PCGF3: variants seen among roughly 807,000 people sequenced by gnomAD.
PCGF3 encodes the protein polycomb group ring finger 3.
A neutral mutation model predicts 33.1 loss-of-function variants in PCGF3; 7 were observed. The ratio of observed to expected loss-of-function variants is 0.21; its 90% CI spans 0.12 to 0.40. PCGF3 has a LOEUF of 0.40. Ranked by LOEUF, PCGF3 falls within the 10% of genes least tolerant of loss-of-function variation. The pLI, the probability that PCGF3 is intolerant of heterozygous loss-of-function variation, is 1.00. For missense variants in PCGF3, 211 were observed against 313.3 expected, an observed-to-expected ratio of 0.67 and a Z score of 2.46; for synonymous variants, 153 against 121.3, an observed-to-expected ratio of 1.26 and a Z score of -1.72.
At chr4:752,862 A>G (rs1216466623) in intron 8 of PCGF3, among the ~76,000 whole-genome samples, 1 of 152,212 alleles carries the variant, frequency 6.6e-6, no homozygotes, top group East Asian at 1.9e-4. Context: ...GCCTCCGCCC[A>G]TCTTCGTTTT....
At chr4:740,314 T>C (rs561627233) in intron 6 of PCGF3, among the ~76,000 whole-genome samples, 2 of 152,394 alleles carry the variant, frequency 1.3e-5, no homozygotes, top group East Asian at 3.9e-4. Flanking sequence ...GGAAGAGAGT[T>C]CCCTGCTAGA....
rs71640348 is a variant in PCGF3, at chr4:749,476, CTT to C, written c.462+4811_462+4812del. Among the ~76,000 whole-genome samples, 600 of 75,408 alleles carry C rather than the reference CTT, an allele frequency of 8.0e-3. 2 individuals are homozygous for C. Among genetic ancestry groups the C allele is most frequent in the South Asian group, 0.022 (42 of 1,912 alleles). The allele number at this position is 75,408 out of a possible 152,430, so 49.5% of individuals were successfully genotyped here. A position where few individuals can be genotyped will look rare whatever the true frequency, so the allele number is the denominator to read the frequency against. ...ACCATGCCCTGCTGAATTTTCTTTC[CTT>C]TTTTTTTTTTTTTTTTTTTTTTGAG... On this transcript the variant is annotated intron_variant, in intron 8 of 10. Transcript: ENST00000362003.
At chr4:762,621 G>C (rs1329791814) in intron 9 of PCGF3, 2 of 152,286 alleles carry the variant, frequency 1.3e-5, no homozygotes, top group Admixed American at 1.3e-4. Context: ...TGGCAACGTG[G>C]TGACCTTGAA....
intron 8 of PCGF3, among the ~76,000 whole-genome samples, chr4:756,857 T>A (rs529093599): frequency 4.6e-5 from 7 of 152,314 alleles, no homozygotes; most frequent in Admixed American, 3.3e-4. Flanking sequence ...GGAAACCATC[T>A]GAGACTGCCA....
chr4:751,074 C>T (rs2152603920), intron 8 of PCGF3, among the ~76,000 whole-genome samples: 1 of 152,218 alleles, frequency 6.6e-6, no homozygotes, highest in East Asian at 1.9e-4. Flanking sequence ...TCCATGAGGG[C>T]TTGGATCCGG....
intron 1 of PCGF3, among the ~76,000 whole-genome samples, chr4:718,328 G>A (rs988534893): frequency 1.3e-5 from 2 of 152,136 alleles, no homozygotes; most frequent in African/African-American, 2.4e-5. Context: ...GGTATAACCT[G>A]CCTGGGCCTC....
exon 11 of PCGF3, chr4:769,510 C>T (rs1051501406): frequency 7.2e-5 from 11 of 152,692 alleles, no homozygotes; most frequent in African/African-American, 2.4e-4. Context: ...TATTTCTCTG[C>T]CTTGACATTT....
exon 7 of PCGF3, chr4:743,496 G>A: frequency 6.2e-7 from 1 of 1,612,612 alleles, no homozygotes; most frequent in Non-Finnish European, 8.5e-7. Context: ...AGCAGAGGGA[G>A]TTCTATCACA....
In PCGF3 at chr4:761,264, C is replaced by T. The variant is rs202019971; in HGVS notation, c.463-15C>T. Reference sequence around the variant, plus strand: ...AACCCTCCTGCTGCGCTCTCACCAGCGTCCTTTCCCGCAGGTGAGCATCTG... The same window carrying T: ...AACCCTCCTGCTGCGCTCTCACCAGTGTCCTTTCCCGCAGGTGAGCATCTG... On this transcript the variant is annotated splice_polypyrimidine_tract_variant and intron_variant, in intron 8 of 10. Coordinates refer to ENST00000362003, the Ensembl canonical transcript of PCGF3. The T allele has an allele frequency of 2.5e-5, 40 of 1,569,458 alleles. No individual in the cohort carries two copies. The highest frequency in any genetic ancestry group is 1.9e-4 in the Admixed American group (10 of 53,696).
chr4:719,249 G>A (rs1418303573), intron 1 of PCGF3, among the ~76,000 whole-genome samples: 4 of 152,120 alleles, frequency 2.6e-5, no homozygotes, highest in African/African-American at 4.8e-5. Flanking sequence ...CACCTCACCC[G>A]GCTGTTTTTC....
intron 1 of PCGF3, among the ~76,000 whole-genome samples, chr4:707,458 T>TGG (rs1206843796): frequency 1.8e-4 from 28 of 151,682 alleles, no homozygotes; most frequent in Middle Eastern, 6.8e-3. Context: ...CCCGGGACCC[T>TGG]GAGACAGCCC....
intron 1 of PCGF3, chr4:723,796 C>T (rs775043355): frequency 6.6e-6 from 1 of 152,496 alleles, no homozygotes; most frequent in African/African-American, 2.4e-5. Flanking sequence ...GTGCAACACC[C>T]CCTGTGACCC....
rs763591062 is a variant in PCGF3, at chr4:766,245, GCAC to G, written c.*170_*172del. 1.7e-5 allele frequency: 10 copies of G among 604,512 alleles called. 1 individual carries two copies. Among genetic ancestry groups the G allele is most frequent in the South Asian group, 9.8e-5 (5 of 51,278 alleles). 37.4% of individuals were successfully genotyped at this position (604,512 alleles called of 1,614,324 possible). ...ATTCACACTCAACAAGACACTACCA[GCAC>G]CACGTTTACAGAGGATGAAAACACT... On this transcript the variant is annotated 3_prime_UTR_variant, in exon 11 of 11. Coordinates refer to ENST00000362003, the Ensembl canonical transcript of PCGF3.
At chr4:752,751 A>AG (rs1218404100) in intron 8 of PCGF3, among the ~76,000 whole-genome samples, 8 of 152,116 alleles carry the variant, frequency 5.3e-5, no homozygotes, top group African/African-American at 1.7e-4. Context: ...CACCAGACTG[A>AG]GGCTGGGCAG....
intron 9 of PCGF3, chr4:762,809 T>TCGTGGTGC (rs1745136750): frequency 6.6e-6 from 1 of 152,224 alleles, no homozygotes; most frequent in Non-Finnish European, 1.5e-5. Context: ...AGACACCACC[T>TCGTGGTGC]CGTGATAATT....
intron 8 of PCGF3, among the ~76,000 whole-genome samples, chr4:760,562 C>T (rs993225853): frequency 6.6e-6 from 1 of 152,326 alleles, no homozygotes; most frequent in East Asian, 1.9e-4. Flanking sequence ...ATACATGTTT[C>T]AGTTAACCCC....
chr4:752,897 C>T (rs751466976), intron 8 of PCGF3, among the ~76,000 whole-genome samples: 2 of 152,286 alleles, frequency 1.3e-5, no homozygotes, highest in Non-Finnish European at 2.9e-5. Context: ...TGCCAGTGCC[C>T]TCCTGGTGCC....
chr4:762,589 T>C (rs4690309), intron 9 of PCGF3: 102,853 of 152,222 alleles, frequency 0.68, 35,060 homozygotes, highest in Middle Eastern at 0.82. Context: ...AACATGAGGA[T>C]GCAGCAGAAG....
At chr4:722,424 T>A (rs1743122644) in intron 1 of PCGF3, 1 of 251,808 alleles carries the variant, frequency 4.0e-6, no homozygotes, top group Non-Finnish European at 7.9e-6. Flanking sequence ...CGGAGTGTTT[T>A]GGGGGTGTCT....
Sources: allele counts gnomAD v4.1 joint callset (sites outside exome capture counted in the v4.1 genomes callset), GRCh38; gene constraint gnomAD v4.1.1; transcripts MANE v1.5; gene names NCBI Gene and HGNC (gene_info 2026-07-23, HGNC 2026-07-21).